Variants in KIF26B observed in about 807,000 individuals in gnomAD.
KIF26B encodes kinesin-like protein KIF26B.
A neutral mutation model predicts 151.2 loss-of-function variants in KIF26B; 63 were observed. That is an observed-to-expected ratio of 0.42 (90% CI 0.34 to 0.51). KIF26B has a LOEUF of 0.51. Ranked by LOEUF, KIF26B falls within the 20% of genes least tolerant of loss-of-function variation. The pLI is 0.07. For missense variants in KIF26B, 2,813 were observed against 2,913.6 expected (o/e 0.97, Z 0.79); for synonymous variants, 1,357 against 1,262.1 (o/e 1.08, Z -1.59).
At chr1:245,178,226 G>A (rs1361006877) in intron 2 of KIF26B, among the ~76,000 whole-genome samples, 1 of 152,188 alleles carries the variant, frequency 6.6e-6, no homozygotes, top group African/African-American at 2.4e-5. Context: ...CCTACCATGT[G>A]TTTGTGCTGT....
Position 245,154,992 on chromosome 1 carries a change from A to G in KIF26B, c.-433A>G. ...GAGAATTTCTTTGAACTCAGTTACC[A>G]AGCTCGGTGAAGGAGACAAGTTCCC... On this transcript the variant is annotated 5_prime_UTR_variant, in exon 1 of 15. Coordinates refer to ENST00000407071, the MANE Select transcript of KIF26B (RefSeq NM_018012.4). 1 of 413,214 alleles carries G rather than the reference A, an allele frequency of 2.4e-6. No homozygotes were observed. The highest frequency in any genetic ancestry group is 4.2e-6 in the Non-Finnish European group (1 of 237,034). The allele number at this position is 413,214 out of a possible 1,614,324, so 25.6% of individuals were successfully genotyped here.
chr1:245,417,652 G>T (rs1674452945), intron 3 of KIF26B, among the ~76,000 whole-genome samples: 2 of 152,228 alleles, frequency 1.3e-5, no homozygotes, highest in Admixed American at 6.5e-5. Flanking sequence ...TAGTCAGGAA[G>T]CTCGTGCATT....
chr1:245,504,165 C>T (rs1270661834), intron 4 of KIF26B, among the ~76,000 whole-genome samples: 1 of 152,116 alleles, frequency 6.6e-6, no homozygotes, highest in African/African-American at 2.4e-5. Flanking sequence ...GCCCTGGGCC[C>T]TATTCTCTCT....
Position 245,667,239 on chromosome 1 carries a change from G to A in KIF26B, c.2259-16994G>A, listed in dbSNP as rs112988217. On this transcript the variant is annotated intron_variant, in intron 10 of 14. Coordinates refer to ENST00000407071, the MANE Select transcript of KIF26B (RefSeq NM_018012.4). The surrounding 1 kb of genome is among the most constrained non-coding windows in gnomAD (Gnocchi z 4.3). ...TGCCCAGGCTGGAGTGCAGTGGCAC[G>A]ATCTCGGCTCACTGCAGCCTTAAGC... Among the ~76,000 whole-genome samples, 7 of 152,226 alleles carry A rather than the reference G, an allele frequency of 4.6e-5. No individual in the cohort carries two copies. Among genetic ancestry groups the A allele is most frequent in the East Asian group, 1.9e-4 (1 of 5,184 alleles).
Position 245,382,278 on chromosome 1 carries a change from T to C in KIF26B, c.999+14911T>C, listed in dbSNP as rs148071989. ...CTAATGGGTGTGAGGTGGCATCTCA[T>C]TGTGGTGTGGATCTGCGTTTCCCTC... On this transcript the variant is annotated intron_variant, in intron 3 of 14. Coordinates refer to ENST00000407071, the MANE Select transcript of KIF26B (RefSeq NM_018012.4). Among the ~76,000 whole-genome samples the C allele has an allele frequency of 1.1e-3, 163 of 152,238 alleles. 1 individual carries two copies. The highest frequency in any genetic ancestry group is 3.7e-3 in the African/African-American group (154 of 41,544).
chr1:245,289,667 G>T (rs1408726733), intron 2 of KIF26B, among the ~76,000 whole-genome samples: 1 of 148,364 alleles, frequency 6.7e-6, no homozygotes, highest in African/African-American at 2.5e-5. Context: ...GGGGGTGGAG[G>T]TGTGTTCAAT....
chr1:245,680,398 C>T (rs902104106), intron 10 of KIF26B, among the ~76,000 whole-genome samples: 2 of 152,132 alleles, frequency 1.3e-5, no homozygotes, highest in Non-Finnish European at 2.9e-5. Context: ...GCATACATGC[C>T]GCTGCTTCTT....
rs190976665 is a variant in KIF26B at position 245,258,435 on chromosome 1, C to T, written c.465+101752C>T. On this transcript the variant is annotated intron_variant, in intron 2 of 14. Transcript: ENST00000407071. ...GAGCTCATTTCTGACCTGCCTCTCT[C>T]ACCAAGCTTCCTTTGCTGAATGCCG... is the stretch of plus-strand genomic sequence containing the variant. 1.3e-3 allele frequency among the ~76,000 whole-genome samples: 204 copies of T among 152,324 alleles called. 1 individual carries two copies. Among genetic ancestry groups the T allele is most frequent in the African/African-American group, 4.7e-3 (194 of 41,590 alleles).
chr1:245,685,931 G>T lies in KIF26B; in HGVS notation c.2948G>T (p.Gly983Val). 1.9e-6 allele frequency: 3 copies of T among 1,611,752 alleles called. No individual in the cohort carries two copies. Among genetic ancestry groups the T allele is most frequent in the Middle Eastern group, 3.3e-4 (2 of 6,060 alleles). ...PLSESDKEDN[G>V]SEGQLTNREG... ...TCTGAGTCTGATAAGGAAGATAATG[G>T]GTCCGAAGGTCAGCTGACCAACAGA... is the stretch of plus-strand genomic sequence containing the variant. The change falls in exon 12 of 15, where the codon GGG becomes GTG. Residue 983 changes from glycine (G) to valine (V), a missense_variant. Transcript: ENST00000407071.
intron 2 of KIF26B, among the ~76,000 whole-genome samples, chr1:245,260,089 C>T (rs1385022498): frequency 1.3e-5 from 2 of 151,666 alleles, no homozygotes; most frequent in Non-Finnish European, 2.9e-5. Flanking sequence ...GGGATGGGGT[C>T]GGAGGAGAGC....
At chr1:245,679,826 C>T (rs779479702) in intron 10 of KIF26B, among the ~76,000 whole-genome samples, 1 of 152,048 alleles carries the variant, frequency 6.6e-6, no homozygotes, top group African/African-American at 2.4e-5. Flanking sequence ...AACATGTATG[C>T]GTAAACACAA....
At chr1:245,647,338 T>C (rs892483394) in intron 10 of KIF26B, among the ~76,000 whole-genome samples, 3 of 137,064 alleles carry the variant, frequency 2.2e-5, no homozygotes, top group Non-Finnish European at 4.5e-5. Flanking sequence ...GGCAGGAGAA[T>C]GGCATGAAAC....
intron 6 of KIF26B, among the ~76,000 whole-genome samples, chr1:245,604,483 A>AT (rs1168174771): frequency 1.2e-4 from 19 of 152,268 alleles, no homozygotes; most frequent in Admixed American, 6.5e-5. Context: ...TCCTTATTAC[A>AT]TTTTTTGTGT....
intron 2 of KIF26B, among the ~76,000 whole-genome samples, chr1:245,260,277 C>T (rs1020030342): frequency 6.6e-6 from 1 of 152,166 alleles, no homozygotes; most frequent in African/African-American, 2.4e-5. Flanking sequence ...ATGCAACATT[C>T]TTGGGCCTTT....
intron 4 of KIF26B, among the ~76,000 whole-genome samples, chr1:245,448,738 T>A (rs987336112): frequency 2.0e-5 from 3 of 152,236 alleles, no homozygotes; most frequent in African/African-American, 7.2e-5. Context: ...GTCATGTAGA[T>A]TTGGGATTGG....
At position 245,601,849 on chromosome 1, in the gene KIF26B, G is replaced by A. The variant is rs944649414; in HGVS notation, c.1351-728G>A. 4.6e-5 allele frequency among the ~76,000 whole-genome samples: 7 copies of A among 152,144 alleles called. No homozygotes were observed. Among genetic ancestry groups the A allele is most frequent in the East Asian group, 3.9e-4 (2 of 5,184 alleles). On this transcript the variant is annotated intron_variant, in intron 5 of 14. Coordinates refer to ENST00000407071, the MANE Select transcript of KIF26B (RefSeq NM_018012.4). This position sits in a 1 kb window ranked among gnomAD's most constrained non-coding sequence, Gnocchi z 4.4. ...GTGCATTTCCATAAGCACCTCGCTC[G>A]CCTGCAGGACGGGGCTGGGTTGGTG...
At chr1:245,620,317 C>A (rs2043643984) in intron 9 of KIF26B, among the ~76,000 whole-genome samples, 2 of 152,132 alleles carry the variant, frequency 1.3e-5, no homozygotes, top group South Asian at 4.2e-4. Flanking sequence ...CACTTTACAA[C>A]CAACTGGGTA....
intron 5 of KIF26B, among the ~76,000 whole-genome samples, chr1:245,566,225 T>C (rs758271885): frequency 2.0e-5 from 3 of 152,256 alleles, no homozygotes; most frequent in Non-Finnish European, 2.9e-5. Context: ...TCCCACAGGA[T>C]GTCAGTGAGC....
chr1:245,695,985 C>T lies in KIF26B; in HGVS notation c.5825-2121C>T, dbSNP rs892523974. Among the ~76,000 whole-genome samples the T allele has an allele frequency of 5.3e-5, 8 of 152,178 alleles. No individual in the cohort carries two copies. The East Asian group carries it at 5.8e-4, about 11-fold the overall frequency. ...TCCCATCTCACACGGTGCCCTGGCA[C>T]GGGTATTGGCAGGAGATGGAGGGTG... On this transcript the variant is annotated intron_variant, in intron 12 of 14. Coordinates refer to ENST00000407071, the MANE Select transcript of KIF26B (RefSeq NM_018012.4).
Sources: gnomAD v4.1 joint callset for allele counts (sites outside exome capture counted in the v4.1 genomes callset) on GRCh38, gnomAD v4.1.1 for gene constraint, Gnocchi (gnomAD v3.1) non-coding constraint, MANE v1.5 for transcripts, NCBI Gene and HGNC (gene_info 2026-07-23, HGNC 2026-07-21) for gene names.